TBC1D12: variants seen among roughly 807,000 people sequenced by gnomAD.
TBC1D12 encodes the protein TBC1 domain family member 12.
In TBC1D12, 56 loss-of-function variants were observed where a neutral mutation model predicts 86.7. The observed-to-expected ratio is 0.65, with a 90% CI of 0.52 to 0.81. The LOEUF is 0.81. Ranked by LOEUF, TBC1D12 falls within the 30% of genes least tolerant of loss-of-function variation. TBC1D12 has a pLI of 0.00. For synonymous variants in TBC1D12, 421 were observed against 411.7 expected, an observed-to-expected ratio of 1.02 and a Z score of -0.27; for missense variants, 1,023 against 1,038.8, an observed-to-expected ratio of 0.98 and a Z score of 0.21.
intron 1 of TBC1D12, among the ~76,000 whole-genome samples, chr10:94,413,954 A>T (rs1296424366): frequency 6.6e-6 from 1 of 152,160 alleles, no homozygotes; most frequent in Non-Finnish European, 1.5e-5. Flanking sequence ...AGAATTTCCA[A>T]ATCTGGTTTT....
chr10:94,408,704 T>C (rs2054889240), intron 1 of TBC1D12, among the ~76,000 whole-genome samples: 1 of 152,164 alleles, frequency 6.6e-6, no homozygotes, highest in Non-Finnish European at 1.5e-5. Context: ...ACTTGTTCCA[T>C]AGTGCCTCCA....
At chr10:94,522,480 A>G in intron 11 of TBC1D12, 27 bp downstream of exon 11, 1 of 937,914 alleles carries the variant, frequency 1.1e-6, no homozygotes. Context: ...GTAATATATA[A>G]TAATGAAAAG....
intron 4 of TBC1D12, among the ~76,000 whole-genome samples, chr10:94,493,687 G>A (rs1477744014): frequency 6.6e-6 from 1 of 152,032 alleles, no homozygotes; most frequent in African/African-American, 2.4e-5. Flanking sequence ...CAAGTAGCTG[G>A]GACCACAGGC....
At chr10:94,416,246 A>G (rs1244914549) in intron 1 of TBC1D12, among the ~76,000 whole-genome samples, 1 of 152,274 alleles carries the variant, frequency 6.6e-6, no homozygotes, top group Non-Finnish European at 1.5e-5. Flanking sequence ...AAAGCAAAGC[A>G]CCAGCAACTA....
rs1472684123 is a variant in TBC1D12, at chr10:94,459,761, C to T, written c.1096-14907C>T. 5.9e-5 allele frequency among the ~76,000 whole-genome samples: 9 copies of T among 152,266 alleles called. No homozygotes were observed. In the South Asian group the frequency reaches 1.0e-3, roughly 18 times the overall value. On this transcript the variant is annotated intron_variant, in intron 2 of 12. Coordinates refer to ENST00000225235, the MANE Select transcript of TBC1D12 (RefSeq NM_015188.2). The stretch of plus-strand genomic sequence containing the variant: ...CCTGGGTGCTAAGCCCCTCACTGCC[C>T]GGGGCCAGTGGCACCGGCCAGCAGC...
At chr10:94,404,659 AAAAAG>A (rs1400475498) in intron 1 of TBC1D12, among the ~76,000 whole-genome samples, 3 of 151,982 alleles carry the variant, frequency 2.0e-5, no homozygotes, top group Non-Finnish European at 4.4e-5. Context: ...AAAAAAAAAA[AAAAAG>A]AAAAGAAAGA....
At chr10:94,531,642 A>ATTTTG (rs1229930573) in intron 12 of TBC1D12, among the ~76,000 whole-genome samples, 182 bp downstream of exon 12, 1 of 81,360 alleles carries the variant, frequency 1.2e-5, no homozygotes, top group Non-Finnish European at 2.5e-5. Flanking sequence ...CATAGGGCTT[A>ATTTTG]TTTTATTTTA....
chr10:94,475,940 A>G (rs1050806874), intron 3 of TBC1D12, among the ~76,000 whole-genome samples: 1 of 150,366 alleles, frequency 6.7e-6, no homozygotes, highest in Non-Finnish European at 1.5e-5. Flanking sequence ...CTTTCTTTTT[A>G]ATTTAATTTA....
intron 1 of TBC1D12, among the ~76,000 whole-genome samples, chr10:94,437,386 T>TA (rs2134084558): frequency 6.6e-6 from 1 of 151,880 alleles, no homozygotes; most frequent in East Asian, 1.9e-4. Flanking sequence ...AGTGCAGTGG[T>TA]ACAATCTTGG....
rs535364275 is a variant in TBC1D12, at chr10:94,515,118, G to A, written c.1761+3464G>A. Among the ~76,000 whole-genome samples the A allele has an allele frequency of 1.6e-3, 242 of 150,058 alleles. 1 individual carries two copies. The highest frequency in any genetic ancestry group is 2.8e-3 in the Non-Finnish European group (190 of 67,474). ...GAGACGGGGTTTCACCGTTTTAGCC[G>A]GGATGGTCTCGATCTCCTGACCTCG... is the stretch of plus-strand genomic sequence containing the variant. On this transcript the variant is annotated intron_variant, in intron 9 of 12. Transcript: ENST00000225235.
chr10:94,412,968 A>G (rs1463228348), intron 1 of TBC1D12, among the ~76,000 whole-genome samples: 1 of 152,156 alleles, frequency 6.6e-6, no homozygotes, highest in Non-Finnish European at 1.5e-5. Flanking sequence ...TCCACCAGGA[A>G]TCCAACTTTT....
intron 11 of TBC1D12, among the ~76,000 whole-genome samples, chr10:94,525,855 A>G (rs1842274220): frequency 6.6e-6 from 1 of 152,136 alleles, no homozygotes; most frequent in Admixed American, 6.5e-5. Context: ...TCCATGGGGT[A>G]CATAGTGATG....
intron 2 of TBC1D12, among the ~76,000 whole-genome samples, chr10:94,463,015 T>C (rs1185466911): frequency 6.6e-6 from 1 of 152,238 alleles, no homozygotes; most frequent in Non-Finnish European, 1.5e-5. Context: ...CTTTTTAATG[T>C]ATTTTAAGCT....
chr10:94,510,104 T>C lies in TBC1D12; in HGVS notation c.1614T>C (p.Ala538=). ...SENDTEGVSV[A]DREASLELIK... is the part of the protein sequence containing the mutation. ...TGGTAAATGCAGGTGTATCTGTTGC[T>C]GATCGAGAGGCCAGTCTGGAATTAA... The change falls in exon 8 of 13, where the codon GCT becomes GCC. Residue 538 remains alanine (A), a synonymous_variant. Coordinates refer to ENST00000225235, the MANE Select transcript of TBC1D12 (RefSeq NM_015188.2). The C allele has an allele frequency of 1.9e-6, 3 of 1,609,186 alleles. No individual in the cohort carries two copies. The highest frequency in any genetic ancestry group is 2.5e-6 in the Non-Finnish European group (3 of 1,178,762).
chr10:94,471,818 C>T (rs2055911826), intron 2 of TBC1D12, among the ~76,000 whole-genome samples: 3 of 152,178 alleles, frequency 2.0e-5, no homozygotes, highest in African/African-American at 7.2e-5. Context: ...CTTAATACTT[C>T]CTTGATAATT....
intron 5 of TBC1D12, among the ~76,000 whole-genome samples, chr10:94,498,447 T>TG (rs1444236508): frequency 6.6e-6 from 1 of 152,084 alleles, no homozygotes; most frequent in Admixed American, 6.6e-5. Flanking sequence ...GATTTGTTTT[T>TG]TTGTTTTTGT....
chr10:94,522,177 A>G, intron 10 of TBC1D12, 94 bp downstream of exon 10: 1 of 1,414,286 alleles, frequency 7.1e-7, no homozygotes, highest in Non-Finnish European at 9.6e-7. Context: ...ATCTAATCTA[A>G]TATAAACTTA....
At chr10:94,451,461 G>A (rs2055548510) in intron 2 of TBC1D12, among the ~76,000 whole-genome samples, 1 of 152,028 alleles carries the variant, frequency 6.6e-6, no homozygotes, top group Non-Finnish European at 1.5e-5. Context: ...GAATACATTG[G>A]CTCCATACAT....
At chr10:94,474,497 C>G (rs764910032) in intron 2 of TBC1D12, among the ~76,000 whole-genome samples, 171 bp from the exon 3 acceptor site, 1 of 151,872 alleles carries the variant, frequency 6.6e-6, no homozygotes, top group Non-Finnish European at 1.5e-5. Flanking sequence ...CAGCTCCCCT[C>G]CACCTCCAAA....
Sources: gnomAD v4.1 joint callset for allele counts (sites outside exome capture counted in the v4.1 genomes callset) on GRCh38, gnomAD v4.1.1 for gene constraint, MANE v1.5 for transcripts, NCBI Gene and HGNC (gene_info 2026-07-23, HGNC 2026-07-21) for gene names.